The following SLC22A3 variants were observed in gnomAD, a reference collection of about 807,000 sequenced individuals.
The protein encoded by SLC22A3 is EMT organic cation transporter 3.
SLC22A3 carries 51 observed loss-of-function variants against 59.1 expected under a neutral mutation model. The ratio of observed to expected loss-of-function variants is 0.86; its 90% CI spans 0.69 to 1.09. The LOEUF (loss-of-function observed/expected upper bound fraction) is 1.09, where lower values mean the gene tolerates loss of function less well. Ranked by LOEUF, SLC22A3 falls within the 50% of genes least tolerant of loss-of-function variation. The pLI is 0.00. For missense variants in SLC22A3, 711 were observed against 726.3 expected, an observed-to-expected ratio of 0.98 and a Z score of 0.24; for synonymous variants, 325 against 292.0, an observed-to-expected ratio of 1.11 and a Z score of -1.15.
At chr6:160,399,104 A>G (rs1786647713) in intron 2 of SLC22A3, among the ~76,000 whole-genome samples, 1 of 151,972 alleles carries the variant, frequency 6.6e-6, no homozygotes, top group South Asian at 2.1e-4. Context: ...CTTGGGTTTC[A>G]TTTTCTGTCA....
At chr6:160,365,262 G>A (rs1785166316) in intron 1 of SLC22A3, among the ~76,000 whole-genome samples, 1 of 152,122 alleles carries the variant, frequency 6.6e-6, no homozygotes, top group Non-Finnish European at 1.5e-5. Context: ...TATTTTCAAG[G>A]ATGGAATTGA....
chr6:160,381,958 GTCT>G (rs1347136132), intron 1 of SLC22A3, among the ~76,000 whole-genome samples: 1 of 152,084 alleles, frequency 6.6e-6, no homozygotes, highest in Non-Finnish European at 1.5e-5. Flanking sequence ...GAATTATTTA[GTCT>G]TCTTAATAAA....
In SLC22A3 at chr6:160,348,853, G is replaced by T. The variant is rs541186783; in HGVS notation, c.429+5G>T. 61 of 1,577,540 alleles carry T rather than the reference G, an allele frequency of 3.9e-5. No individual in the cohort carries two copies. In the East Asian group the frequency reaches 1.3e-3, roughly 34 times the overall value. ...CACTCCACCATCGTCAGCGAGGTAA[G>T]GGCGCCCCGGCCCTTTGGAAGCCGG... is the stretch of plus-strand genomic sequence containing the variant. On this transcript the variant is annotated splice_donor_5th_base_variant and intron_variant, in intron 1 of 10. Coordinates refer to ENST00000275300, the MANE Select transcript of SLC22A3 (RefSeq NM_021977.4).
intron 2 of SLC22A3, among the ~76,000 whole-genome samples, chr6:160,405,377 A>C (rs1183471805): frequency 6.6e-6 from 1 of 152,130 alleles, no homozygotes; most frequent in Non-Finnish European, 1.5e-5. Flanking sequence ...ATCTATTAGA[A>C]TGGCCAAAAT....
intron 1 of SLC22A3, among the ~76,000 whole-genome samples, chr6:160,351,266 C>A (rs1207486006): frequency 6.6e-6 from 1 of 152,136 alleles, no homozygotes; most frequent in Non-Finnish European, 1.5e-5. Context: ...CAGGCGACTG[C>A]CACCATGCCC....
At chr6:160,380,400 A>C (rs1453800247) in intron 1 of SLC22A3, among the ~76,000 whole-genome samples, 1 of 152,112 alleles carries the variant, frequency 6.6e-6, no homozygotes, top group Non-Finnish European at 1.5e-5. Context: ...TCTTTTCCAA[A>C]ATAAAAGATT....
chr6:160,431,616 G>A (rs1206624046), intron 5 of SLC22A3, among the ~76,000 whole-genome samples: 1 of 151,950 alleles, frequency 6.6e-6, no homozygotes, highest in Admixed American at 6.6e-5. Context: ...TTGTGGTCTG[G>A]AAAAGCAGAG....
intron 5 of SLC22A3, among the ~76,000 whole-genome samples, chr6:160,421,955 G>T (rs1787756231): frequency 6.6e-6 from 1 of 152,182 alleles, no homozygotes; most frequent in South Asian, 2.1e-4. Flanking sequence ...CTTCTCGACT[G>T]TGGATAAATG....
chr6:160,352,907 G>GC (rs1231482081), intron 1 of SLC22A3, among the ~76,000 whole-genome samples: 3 of 152,198 alleles, frequency 2.0e-5, no homozygotes, highest in African/African-American at 7.2e-5. Flanking sequence ...CTGCAACCTT[G>GC]CCCCCCGGGT....
At chr6:160,360,915 A>G (rs1784991027) in intron 1 of SLC22A3, among the ~76,000 whole-genome samples, 1 of 152,226 alleles carries the variant, frequency 6.6e-6, no homozygotes, top group Non-Finnish European at 1.5e-5. Context: ...TAATATTTAT[A>G]TGGAAGAATA....
chr6:160,371,977 T>A (rs1417832795), intron 1 of SLC22A3, among the ~76,000 whole-genome samples: 1 of 152,232 alleles, frequency 6.6e-6, no homozygotes, highest in African/African-American at 2.4e-5. Context: ...AAATGTCTTC[T>A]TTTGAGAAGT....
intron 10 of SLC22A3, among the ~76,000 whole-genome samples, chr6:160,450,207 C>T (rs542154624): frequency 7.9e-5 from 12 of 152,294 alleles, no homozygotes; most frequent in African/African-American, 2.9e-4. Context: ...ATAAGGCAGA[C>T]TCTCCCAGTG....
chr6:160,442,651 G>A (rs1312058021), intron 7 of SLC22A3, 110 bp from the exon 8 acceptor site: 1 of 783,082 alleles, frequency 1.3e-6, no homozygotes, highest in African/African-American at 1.7e-5. Flanking sequence ...GCTTAAAATT[G>A]GCAAAGACTT....
At chr6:160,358,562 G>A (rs563841711) in intron 1 of SLC22A3, among the ~76,000 whole-genome samples, 6 of 152,332 alleles carry the variant, frequency 3.9e-5, no homozygotes, top group African/African-American at 1.2e-4. Flanking sequence ...AAGGCCCAGG[G>A]TAGAGGTCGG....
At chr6:160,449,298 C>T (rs1788862765) in intron 10 of SLC22A3, among the ~76,000 whole-genome samples, 1 of 152,066 alleles carries the variant, frequency 6.6e-6, no homozygotes, top group East Asian at 1.9e-4. Flanking sequence ...AATCAATACC[C>T]AACTAACATA....
intron 5 of SLC22A3, among the ~76,000 whole-genome samples, chr6:160,435,558 T>C (rs976651107): frequency 3.2e-4 from 49 of 152,196 alleles, no homozygotes; most frequent in African/African-American, 1.1e-3. Flanking sequence ...TATCAAGCTT[T>C]GGTTGATCTA....
intron 7 of SLC22A3, among the ~76,000 whole-genome samples, chr6:160,437,499 C>T (rs1001318087): frequency 6.6e-6 from 1 of 152,196 alleles, no homozygotes; most frequent in Non-Finnish European, 1.5e-5. Context: ...ATGTGACTTA[C>T]TTTTGTGATA....
In SLC22A3 at chr6:160,368,543, C is replaced by T. The variant is rs565118523; in HGVS notation, c.429+19695C>T. 4.6e-3 allele frequency among the ~76,000 whole-genome samples: 702 copies of T among 152,316 alleles called. 3 individuals carry two copies. Among genetic ancestry groups the T allele is most frequent in the African/African-American group, 0.016 (678 of 41,558 alleles). Reference sequence around the variant, plus strand: ...AGCAGTGTCCCTTATCCCTGTGTTCCTCTGCAGCTGAGCACCTGTAATTCC... The same window carrying T: ...AGCAGTGTCCCTTATCCCTGTGTTCTTCTGCAGCTGAGCACCTGTAATTCC... On this transcript the variant is annotated intron_variant, in intron 1 of 10. Transcript: ENST00000275300.
intron 2 of SLC22A3, among the ~76,000 whole-genome samples, chr6:160,399,899 A>G (rs1019130591): frequency 2.0e-5 from 3 of 151,938 alleles, no homozygotes; most frequent in Non-Finnish European, 2.9e-5. Flanking sequence ...CGCACCCCCA[A>G]CCCCACTAAA....
Sources: allele counts gnomAD v4.1 joint callset (sites outside exome capture counted in the v4.1 genomes callset), GRCh38; gene constraint gnomAD v4.1.1; transcripts MANE v1.5; gene names NCBI Gene and HGNC (gene_info 2026-07-23, HGNC 2026-07-21).